CATSPERB: variants seen among roughly 807,000 people sequenced by gnomAD.
CATSPERB encodes the protein cation channel sperm-associated auxiliary subunit beta.
A neutral mutation model predicts 128.3 loss-of-function variants in CATSPERB; 93 were observed. The observed-to-expected ratio is 0.72, with a 90% CI of 0.61 to 0.86. The LOEUF is 0.86. CATSPERB is among the 40% of genes least tolerant of loss of function. CATSPERB has a pLI of 0.00. For synonymous variants in CATSPERB, 381 were observed against 448.8 expected, an observed-to-expected ratio of 0.85 and a Z score of 1.91; for missense variants, 1,153 against 1,329.5, an observed-to-expected ratio of 0.87 and a Z score of 2.06.
chr14:91,621,839 C>A lies in CATSPERB; in HGVS notation c.2029G>T (p.Ala677Ser), dbSNP rs1468823329. 12 of 1,613,830 alleles carry A rather than the reference C, an allele frequency of 7.4e-6. No homozygotes were observed. Among genetic ancestry groups the A allele is most frequent in the Non-Finnish European group, 9.3e-6 (11 of 1,179,854 alleles). The change falls in exon 19 of 27, where the codon GCA becomes TCA. Residue 677 changes from alanine (A) to serine (S), a missense_variant. Coordinates refer to ENST00000256343, the MANE Select transcript of CATSPERB (RefSeq NM_024764.4). ...TCAGGCATGGTAGCAATGGCTAATG[C>A]ATTCTTATTATCTAAAATGCTTGTG... ...LITSILDNKN[A>S]LAIATMPESA...
intron 17 of CATSPERB, among the ~76,000 whole-genome samples, chr14:91,626,359 C>CTTTTTTTTTT (rs71120179): frequency 2.6e-5 from 2 of 76,836 alleles, no homozygotes; most frequent in East Asian, 4.7e-4. Context: ...AGAGGTGGGA[C>CTTTTTTTTTT]TTTTTTTTTT....
At chr14:91,613,594 C>T (rs1893875132) in intron 20 of CATSPERB, among the ~76,000 whole-genome samples, 2 of 152,148 alleles carry the variant, frequency 1.3e-5, no homozygotes, top group Admixed American at 6.5e-5. Flanking sequence ...CTTGGAGATG[C>T]TGCCCACTGA....
chr14:91,591,304 G>A (rs938124255), intron 23 of CATSPERB, among the ~76,000 whole-genome samples: 9 of 150,380 alleles, frequency 6.0e-5, no homozygotes, highest in Non-Finnish European at 1.5e-5. Context: ...ATCCACCGGC[G>A]TTGGCCTCCC....
chr14:91,633,098 A>T (rs1164638027), intron 17 of CATSPERB, among the ~76,000 whole-genome samples: 1 of 152,116 alleles, frequency 6.6e-6, no homozygotes. Context: ...TTTTTGTTCA[A>T]CCCAGTATAT....
chr14:91,681,875 A>G (rs1426014680), intron 11 of CATSPERB, among the ~76,000 whole-genome samples: 1 of 152,264 alleles, frequency 6.6e-6, no homozygotes, highest in African/African-American at 2.4e-5. Context: ...CTGATACCTC[A>G]GACAACCAGC....
At chr14:91,664,287 A>G (rs1894941938) in intron 14 of CATSPERB, among the ~76,000 whole-genome samples, 2 of 94,246 alleles carry the variant, frequency 2.1e-5, no homozygotes, top group Non-Finnish European at 4.0e-5. Context: ...TTTTTTTGAG[A>G]CAGAGTCTCA....
intron 15 of CATSPERB, among the ~76,000 whole-genome samples, chr14:91,641,308 G>C (rs1894495048): frequency 6.7e-6 from 1 of 148,238 alleles, no homozygotes; most frequent in African/African-American, 2.5e-5. Context: ...TGAAGTCCTT[G>C]CCCATGCCTA....
chr14:91,621,584 A>G (rs1194322193), intron 19 of CATSPERB, 24 bp downstream of exon 19: 1 of 1,481,008 alleles, frequency 6.8e-7, no homozygotes, highest in Non-Finnish European at 9.1e-7. Flanking sequence ...TCCTTTTTAT[A>G]TTTTCCGATC....
intron 6 of CATSPERB, among the ~76,000 whole-genome samples, chr14:91,706,217 C>T (rs570158599): frequency 6.6e-6 from 1 of 152,260 alleles, no homozygotes; most frequent in Admixed American, 6.5e-5. Context: ...TAGTGCAGCA[C>T]AAGGACAGCC....
In CATSPERB at chr14:91,693,125, C is replaced by A. The variant is rs760269842; in HGVS notation, c.831+1G>T. The stretch of plus-strand genomic sequence containing the variant: ...TATTAGTTACAAAGCAATTTACATA[C>A]CGATAAGCTGTGGCGTGATGGATAA... On this transcript the variant is annotated splice_donor_variant, in intron 9 of 26. Coordinates refer to ENST00000256343, the MANE Select transcript of CATSPERB (RefSeq NM_024764.4). LOFTEE classifies it high-confidence loss of function. 6.3e-7 allele frequency: 1 copy of A among 1,592,742 alleles called. No individual in the cohort carries two copies. Among genetic ancestry groups the A allele is most frequent in the Non-Finnish European group, 8.6e-7 (1 of 1,162,926 alleles).
chr14:91,583,973 AC>A (rs934431592), intron 26 of CATSPERB, among the ~76,000 whole-genome samples: 24 of 152,140 alleles, frequency 1.6e-4, no homozygotes, highest in African/African-American at 5.8e-4. Context: ...GAGGCCTCAA[AC>A]CCCTGGCCTC....
chr14:91,619,988 G>A (rs529483539), intron 19 of CATSPERB, among the ~76,000 whole-genome samples: 295 of 149,844 alleles, frequency 2.0e-3, no homozygotes, highest in Non-Finnish European at 3.1e-3. Context: ...CTCTTGCCTC[G>A]GCCTCCCAAA....
At chr14:91,611,763 A>T (rs1361557843) in intron 20 of CATSPERB, among the ~76,000 whole-genome samples, 1 of 152,220 alleles carries the variant, frequency 6.6e-6, no homozygotes, top group Non-Finnish European at 1.5e-5. Context: ...ACATTAGGGG[A>T]AAGTGGATGC....
chr14:91,608,554 C>T (rs773124980), intron 21 of CATSPERB, 150 bp from the exon 22 acceptor site: 4 of 603,244 alleles, frequency 6.6e-6, no homozygotes, highest in African/African-American at 5.7e-5. Flanking sequence ...ACTTTTCTAC[C>T]CCTCATTTTC....
chr14:91,598,514 G>A (rs1893548560), intron 22 of CATSPERB, among the ~76,000 whole-genome samples: 1 of 152,106 alleles, frequency 6.6e-6, no homozygotes, highest in Admixed American at 6.5e-5. Context: ...TGATAGTCAT[G>A]ATTTAAAGTT....
intron 25 of CATSPERB, 59 bp from the exon 26 acceptor site, chr14:91,587,335 T>C (rs1893321017): frequency 3.2e-6 from 4 of 1,263,384 alleles, no homozygotes; most frequent in Non-Finnish European, 3.3e-6. Context: ...CCTTTAAGTA[T>C]TAATAAAAAT....
intron 1 of CATSPERB, among the ~76,000 whole-genome samples, 199 bp from the exon 2 acceptor site, chr14:91,729,678 G>T (rs936563423): frequency 6.6e-6 from 1 of 152,102 alleles, no homozygotes; most frequent in Non-Finnish European, 1.5e-5. Flanking sequence ...TAAATTTATA[G>T]GTATAATTAT....
chr14:91,622,378 TA>T (rs1894066619), intron 18 of CATSPERB, among the ~76,000 whole-genome samples: 1 of 152,144 alleles, frequency 6.6e-6, no homozygotes. Context: ...ATTGAGTATT[TA>T]AGGAGAATAT....
chr14:91,649,383 G>C (rs1225283567), intron 15 of CATSPERB, among the ~76,000 whole-genome samples: 1 of 151,426 alleles, frequency 6.6e-6, no homozygotes, highest in Admixed American at 6.6e-5. Flanking sequence ...GCCCCGGCTG[G>C]TCTTGAACTC....
Sources: gnomAD v4.1 joint callset for allele counts (sites outside exome capture counted in the v4.1 genomes callset) on GRCh38, gnomAD v4.1.1 for gene constraint, MANE v1.5 for transcripts, NCBI Gene and HGNC (gene_info 2026-07-23, HGNC 2026-07-21) for gene names.